Variants in BANK1 observed in about 807,000 individuals in gnomAD.
The protein encoded by BANK1 is B-cell scaffold protein with ankyrin repeats.
Under a neutral mutation model 94.5 loss-of-function variants are expected in BANK1, and 95 were observed. That is an observed-to-expected ratio of 1.00 (90% CI 0.85 to 1.19). The LOEUF (loss-of-function observed/expected upper bound fraction) is 1.19. Ranked by LOEUF, BANK1 falls within the 50% of genes most tolerant of loss-of-function variation. The pLI is 0.00. For missense variants in BANK1, 987 were observed against 932.2 expected (o/e 1.06, Z -0.77); for synonymous variants, 334 against 308.4 (o/e 1.08, Z -0.87).
Position 101,996,216 on chromosome 4 carries a change from T to G in BANK1, c.1207-25298T>G, listed in dbSNP as rs931870440. On this transcript the variant is annotated intron_variant, in intron 7 of 16. Coordinates refer to ENST00000322953, the MANE Select transcript of BANK1 (RefSeq NM_017935.5). ...TCCCCATTGCTTATTTTTTCGAGGT[T>G]TGTCAAAGATCAGATGGTTGTAGAT... Among the ~76,000 whole-genome samples, 3 of 152,330 alleles carry G rather than the reference T, an allele frequency of 2.0e-5. No homozygotes were observed. The East Asian group carries it at 5.8e-4, about 29-fold the overall frequency.
intron 5 of BANK1, among the ~76,000 whole-genome samples, chr4:101,890,492 G>T (rs922009058): frequency 1.3e-5 from 2 of 150,348 alleles, no homozygotes; most frequent in African/African-American, 4.9e-5. Context: ...GCTTTCCTTT[G>T]TAATTTTTGC....
At chr4:102,032,176 T>C (rs955168955) in intron 10 of BANK1, 1 of 152,210 alleles carries the variant, frequency 6.6e-6, no homozygotes, top group African/African-American at 2.4e-5. Flanking sequence ...ATACAAAAAG[T>C]TAGTTATACT....
chr4:101,898,732 GT>G, intron 6 of BANK1, among the ~76,000 whole-genome samples: 1 of 151,992 alleles, frequency 6.6e-6, no homozygotes, highest in Middle Eastern at 3.4e-3. Context: ...TAAATTCTGG[GT>G]TTAGTTTCCT....
chr4:101,965,246 G>T (rs986924305), intron 7 of BANK1, among the ~76,000 whole-genome samples: 2 of 151,066 alleles, frequency 1.3e-5, no homozygotes, highest in Non-Finnish European at 2.9e-5. Context: ...AAGAATTTTC[G>T]ATCTGAAATG....
chr4:102,034,374 A>T (rs1005377975), intron 10 of BANK1, among the ~76,000 whole-genome samples: 2 of 152,234 alleles, frequency 1.3e-5, no homozygotes, highest in African/African-American at 4.8e-5. Flanking sequence ...AAATTCACGT[A>T]TCTGAGACTG....
chr4:101,935,304 A>T (rs879572868), intron 7 of BANK1, among the ~76,000 whole-genome samples: 1 of 151,592 alleles, frequency 6.6e-6, no homozygotes, highest in Non-Finnish European at 1.5e-5. Context: ...CAATCAGGAA[A>T]ACAGCTGTGT....
At chr4:102,038,033 G>GCTTTTTGGAATC (rs1204801620) in intron 10 of BANK1, among the ~76,000 whole-genome samples, 1 of 152,116 alleles carries the variant, frequency 6.6e-6, no homozygotes, top group Non-Finnish European at 1.5e-5. Flanking sequence ...CTTTTTGAGA[G>GCTTTTTGGAATC]CTTTTTGGAA....
At chr4:101,839,366 A>G (rs958774999) in intron 2 of BANK1, among the ~76,000 whole-genome samples, 3 of 152,188 alleles carry the variant, frequency 2.0e-5, no homozygotes, top group Non-Finnish European at 4.4e-5. Context: ...CAGTAAGAGA[A>G]ATATTAAGAT....
intron 10 of BANK1, among the ~76,000 whole-genome samples, chr4:102,035,647 C>CAA (rs10539905): frequency 1.0e-4 from 13 of 125,024 alleles, no homozygotes; most frequent in Non-Finnish European, 1.9e-4. Flanking sequence ...GACTCCGTCT[C>CAA]AAAAAAAAAA....
chr4:101,872,400 A>C (rs1361032347), intron 5 of BANK1, among the ~76,000 whole-genome samples: 1 of 152,132 alleles, frequency 6.6e-6, no homozygotes, highest in Non-Finnish European at 1.5e-5. Flanking sequence ...GTAACAGGGG[A>C]TAGAAGGAAA....
At chr4:102,056,827 G>A (rs144693039) in intron 11 of BANK1, among the ~76,000 whole-genome samples, 5,425 of 152,064 alleles carry the variant, frequency 0.036, 143 homozygotes, top group Non-Finnish European at 0.052. Context: ...CCAATATTGC[G>A]AGACCCCATC....
chr4:102,004,941 C>T (rs1443299617), intron 7 of BANK1, among the ~76,000 whole-genome samples: 2 of 152,040 alleles, frequency 1.3e-5, no homozygotes, highest in African/African-American at 4.8e-5. Context: ...TCAGCAGATC[C>T]TTGACACTAA....
chr4:102,029,832 C>T (rs879136996), intron 9 of BANK1, 128 bp from the exon 10 acceptor site: 3 of 769,186 alleles, frequency 3.9e-6, no homozygotes, highest in Non-Finnish European at 6.3e-6. Flanking sequence ...GTCACGAGCT[C>T]TTCTCTAATA....
chr4:101,927,412 G>A (rs544178825), intron 7 of BANK1, among the ~76,000 whole-genome samples: 126 of 151,700 alleles, frequency 8.3e-4, no homozygotes, highest in African/African-American at 2.9e-3. Flanking sequence ...GGGACAAAGA[G>A]CCAAACCATA....
intron 5 of BANK1, among the ~76,000 whole-genome samples, chr4:101,891,113 T>C (rs1721852502): frequency 6.6e-6 from 1 of 152,134 alleles, no homozygotes; most frequent in Non-Finnish European, 1.5e-5. Context: ...TGCTCTCTGA[T>C]GTGCCAAAAG....
intron 6 of BANK1, among the ~76,000 whole-genome samples, chr4:101,898,533 G>C (rs1353703768): frequency 6.6e-6 from 1 of 151,944 alleles, no homozygotes; most frequent in Non-Finnish European, 1.5e-5. Flanking sequence ...GGGAAATTGA[G>C]AAATTGAGTC....
At chr4:101,902,613 A>T (rs1004813664) in intron 6 of BANK1, among the ~76,000 whole-genome samples, 1 of 152,142 alleles carries the variant, frequency 6.6e-6, no homozygotes, top group Admixed American at 6.5e-5. Flanking sequence ...TGTTGTTCTA[A>T]TGGTATCTTT....
At chr4:101,965,822 T>A (rs1227390101) in intron 7 of BANK1, among the ~76,000 whole-genome samples, 1 of 152,124 alleles carries the variant, frequency 6.6e-6, no homozygotes, top group Non-Finnish European at 1.5e-5. Flanking sequence ...GTTGTACTGA[T>A]GTAGCCTTTC....
In BANK1 at chr4:101,790,838, C is replaced by T. The variant is rs1212114187; in HGVS notation, c.-43C>T. 8 of 1,529,268 alleles carry T rather than the reference C, an allele frequency of 5.2e-6. No homozygotes were observed. Among genetic ancestry groups the T allele is most frequent in the South Asian group, 2.4e-5 (2 of 83,868 alleles). The allele number at this position is 1,529,268 out of a possible 1,614,324, so 94.7% of individuals were successfully genotyped here. A position where few individuals can be genotyped will look rare whatever the true frequency, so the allele number is the denominator to read the frequency against. ...TGGCCGGGAGAGTCCAGGTAGCGCT[C>T]GGCGGGCAGCAGTGCGCAGGCCCCT... On this transcript the variant is annotated 5_prime_UTR_variant, in exon 1 of 17. Transcript: ENST00000322953.
Sources: gnomAD v4.1 joint callset for allele counts (sites outside exome capture counted in the v4.1 genomes callset) on GRCh38, gnomAD v4.1.1 for gene constraint, MANE v1.5 for transcripts, NCBI Gene and HGNC (gene_info 2026-07-23, HGNC 2026-07-21) for gene names.